The following CDH7 variants were observed in gnomAD, a reference collection of about 807,000 sequenced individuals.
CDH7 encodes cadherin 7, also known as cadherin-7.
Under a neutral mutation model 71.8 loss-of-function variants are expected in CDH7, and 25 were observed. The ratio of observed to expected loss-of-function variants is 0.35; its 90% CI spans 0.25 to 0.49. The LOEUF is 0.49. Ranked by LOEUF, CDH7 falls within the 20% of genes least tolerant of loss-of-function variation. The pLI is 0.99. For synonymous variants in CDH7, 381 were observed against 363.8 expected (o/e 1.05, Z -0.54); for missense variants, 862 against 974.6 (o/e 0.88, Z 1.54).
chr18:65,878,252 T>C (rs1599070210), intron 11 of CDH7, among the ~76,000 whole-genome samples: 1 of 152,226 alleles, frequency 6.6e-6, no homozygotes, highest in East Asian at 1.9e-4. Context: ...AAAAACAAAC[T>C]GCTCTGTTGC....
At position 65,862,684 on chromosome 18, in the gene CDH7, T is replaced by G. The variant is rs1466327134; in HGVS notation, c.1631T>G (p.Leu544Arg). 1 of 1,614,168 alleles carries G rather than the reference T, an allele frequency of 6.2e-7. No homozygotes were observed. The highest frequency in any genetic ancestry group is 8.5e-7 in the Non-Finnish European group (1 of 1,180,002). Residue 544 changes from leucine (L) to arginine (R), a missense_variant, in exon 11 of 12, where the codon CTG (leucine) becomes CGG (arginine). Transcript: ENST00000397968. ...KDNKDNTASI[L>R]TRRNGFRRQE... ...ATCCTAGACAACACAGCCTCAATAC[T>G]GACCAGGAGAAACGGCTTCCGGAGA...
chr18:65,890,194 G>A lies in CDH7; in HGVS notation c.*9300G>A, dbSNP rs1914467640. 6.6e-6 allele frequency: 1 copy of A among 151,982 alleles called. No homozygotes were observed. The highest frequency in any genetic ancestry group is 1.5e-5 in the Non-Finnish European group (1 of 67,992). The allele number at this position is 151,982 out of a possible 1,614,324, so 9.4% of individuals were successfully genotyped here. On this transcript the variant is annotated 3_prime_UTR_variant, in exon 12 of 12. Transcript: ENST00000397968. ...CTTGGTTTAATTTATTCAGCTTAAT[G>A]GTCCATTTAACCAATATTGTTATAA...
At chr18:65,873,565 A>G (rs541542209) in intron 11 of CDH7, among the ~76,000 whole-genome samples, 9 of 152,344 alleles carry the variant, frequency 5.9e-5, no homozygotes, top group African/African-American at 1.4e-4. Context: ...TAAAAAGAGA[A>G]ACTTAAGTCT....
chr18:65,817,104 C>G (rs367837395), intron 4 of CDH7, among the ~76,000 whole-genome samples: 1 of 152,096 alleles, frequency 6.6e-6, no homozygotes, highest in African/African-American at 2.4e-5. Context: ...GTCGGAATGA[C>G]GGCATAGGTC....
intron 2 of CDH7, among the ~76,000 whole-genome samples, chr18:65,792,185 CTTTTTTTTTTTTTTTTT>C (rs71167149): frequency 9.6e-6 from 1 of 104,116 alleles, no homozygotes; most frequent in South Asian, 3.2e-4. Flanking sequence ...TGCAGCCAGT[CTTTTTTTTTTTTTTTTT>C]TTTTTTTTTA....
At chr18:65,785,236 CAT>C (rs60676977) in intron 2 of CDH7, among the ~76,000 whole-genome samples, 92 of 150,124 alleles carry the variant, frequency 6.1e-4, no homozygotes, top group African/African-American at 1.6e-3. Context: ...TAATATATGT[CAT>C]ATATATATAT....
chr18:65,823,335 A>G (rs1438655517), intron 5 of CDH7, among the ~76,000 whole-genome samples: 1 of 151,966 alleles, frequency 6.6e-6, no homozygotes, highest in Non-Finnish European at 1.5e-5. Flanking sequence ...AGGGACTTTT[A>G]GAATTAAAAA....
chr18:65,837,369 A>G (rs1325798938), intron 6 of CDH7, among the ~76,000 whole-genome samples: 1 of 152,174 alleles, frequency 6.6e-6, no homozygotes, highest in Non-Finnish European at 1.5e-5. Flanking sequence ...GTTGTGTTTG[A>G]TGATTGGCTT....
chr18:65,809,336 T>C (rs1911439953), intron 2 of CDH7, among the ~76,000 whole-genome samples: 1 of 152,224 alleles, frequency 6.6e-6, no homozygotes, highest in African/African-American at 2.4e-5. Flanking sequence ...TTTCTTTGCT[T>C]AGAATAGATC....
chr18:65,825,204 T>C (rs1031812744), intron 6 of CDH7, among the ~76,000 whole-genome samples: 1 of 151,958 alleles, frequency 6.6e-6, no homozygotes, highest in Non-Finnish European at 1.5e-5. Flanking sequence ...ACAGATGCTA[T>C]TATTTTCTCC....
intron 6 of CDH7, among the ~76,000 whole-genome samples, chr18:65,827,769 A>T (rs1912186143): frequency 6.6e-6 from 1 of 151,976 alleles, no homozygotes; most frequent in Non-Finnish European, 1.5e-5. Context: ...ATAGCAACAG[A>T]TGGCATGAAC....
chr18:65,843,569 G>A lies in CDH7; in HGVS notation c.982-243G>A, dbSNP rs548977549. On this transcript the variant is annotated intron_variant, in intron 6 of 11. Coordinates refer to ENST00000397968, the MANE Select transcript of CDH7 (RefSeq NM_004361.5). ...AATCGTATTCCAAAGACTGGCATCT[G>A]TCTGTCTGTGCAGCGTATAGCAGCA... 1.2e-4 allele frequency among the ~76,000 whole-genome samples: 19 copies of A among 152,220 alleles called. 1 individual carries two copies. Among genetic ancestry groups the A allele is most frequent in the Non-Finnish European group, 2.6e-4 (18 of 68,016 alleles).
At chr18:65,754,030 A>G (rs1445227925) in intron 1 of CDH7, among the ~76,000 whole-genome samples, 1 of 152,350 alleles carries the variant, frequency 6.6e-6, no homozygotes, top group East Asian at 1.9e-4. Flanking sequence ...TGATACAGCT[A>G]AGATTTCTTG....
At chr18:65,771,941 G>A (rs2143808719) in intron 2 of CDH7, among the ~76,000 whole-genome samples, 2 of 152,140 alleles carry the variant, frequency 1.3e-5, no homozygotes, top group Middle Eastern at 6.8e-3. Context: ...CTCAAGATGG[G>A]GCTGTGTTAT....
chr18:65,800,176 T>C (rs1431183992), intron 2 of CDH7, among the ~76,000 whole-genome samples: 2 of 152,112 alleles, frequency 1.3e-5, no homozygotes, highest in Non-Finnish European at 2.9e-5. Context: ...ATCTCCCAGG[T>C]TCAAGTGATT....
intron 3 of CDH7, among the ~76,000 whole-genome samples, chr18:65,811,286 T>C (rs986891498): frequency 3.9e-5 from 6 of 152,220 alleles, no homozygotes; most frequent in African/African-American, 1.4e-4. Context: ...ATGTGTGCTC[T>C]TAAGGGGATC....
intron 10 of CDH7, among the ~76,000 whole-genome samples, chr18:65,860,435 A>C (rs561699587): frequency 6.6e-6 from 1 of 152,258 alleles, no homozygotes; most frequent in African/African-American, 2.4e-5. Flanking sequence ...CATTATAGTA[A>C]AAAAAACTTA....
intron 2 of CDH7, among the ~76,000 whole-genome samples, chr18:65,769,063 C>G (rs549391425): frequency 3.3e-5 from 5 of 152,040 alleles, no homozygotes; most frequent in Admixed American, 2.0e-4. Flanking sequence ...GCAGGTAATC[C>G]CATGGCAGTG....
intron 2 of CDH7, among the ~76,000 whole-genome samples, chr18:65,805,580 A>T: frequency 6.6e-6 from 1 of 152,342 alleles, no homozygotes; most frequent in African/African-American, 2.4e-5. Context: ...ACTTCAAAAG[A>T]GTTGAATTCT....
Sources: gnomAD v4.1 joint callset for allele counts (sites outside exome capture counted in the v4.1 genomes callset) on GRCh38, gnomAD v4.1.1 for gene constraint, MANE v1.5 for transcripts, NCBI Gene and HGNC (gene_info 2026-07-23, HGNC 2026-07-21) for gene names.